The following HCRTR2 variants were observed in gnomAD, a reference collection of about 807,000 sequenced individuals.
HCRTR2 encodes the protein orexin receptor type 2.
HCRTR2 carries 22 observed loss-of-function variants against 49.0 expected under a neutral mutation model. The observed-to-expected ratio is 0.45, with a 90% CI of 0.32 to 0.64. The LOEUF (loss-of-function observed/expected upper bound fraction) is 0.64, where lower values mean the gene tolerates loss of function less well. Among genes scored for constraint, HCRTR2 ranks in the 30% least tolerant of loss-of-function variants. The probability of loss-of-function intolerance (pLI) is 0.04; values close to 1 mark genes in which losing one functional copy is unlikely to be tolerated. For missense variants in HCRTR2, 491 were observed against 559.4 expected (o/e 0.88, Z 1.23); for synonymous variants, 236 against 205.3 (o/e 1.15, Z -1.28).
Position 55,255,138 on chromosome 6 carries a change from C to T in HCRTR2, c.405C>T (p.Thr135=), listed in dbSNP as rs199900684. The T allele has an allele frequency of 2.2e-5, 36 of 1,613,490 alleles. 1 individual carries two copies. The highest frequency in any genetic ancestry group is 2.0e-4 in the South Asian group (18 of 91,054). ...SLCKVIPYLQ[T]VSVSVSVLTL... is the part of the protein sequence containing the mutation. The stretch of plus-strand genomic sequence containing the variant: ...ACTATGATCTTTCTTTTCTCTAGAC[C>T]GTGTCGGTGTCTGTGTCTGTCCTCA... Residue 135 remains threonine (T), a splice_region_variant and synonymous_variant, in exon 3 of 7, where the codon ACC becomes ACT. Transcript: ENST00000370862.
intron 1 of HCRTR2, among the ~76,000 whole-genome samples, chr6:55,162,285 CA>C (rs1376627341): frequency 2.0e-5 from 3 of 152,202 alleles, no homozygotes; most frequent in Non-Finnish European, 2.9e-5. Flanking sequence ...CAAAATTTAA[CA>C]GCCCTTCATG....
intron 1 of HCRTR2, among the ~76,000 whole-genome samples, chr6:55,195,413 G>C (rs1003983567): frequency 2.6e-5 from 4 of 152,128 alleles, no homozygotes; most frequent in African/African-American, 9.7e-5. Context: ...ATCAGATAGA[G>C]AGAAGGTAAC....
intron 1 of HCRTR2, among the ~76,000 whole-genome samples, chr6:55,124,708 G>T (rs1298602314): frequency 1.3e-5 from 2 of 152,010 alleles, no homozygotes; most frequent in Non-Finnish European, 2.9e-5. Flanking sequence ...TTGACAGTGG[G>T]GTGTTAAAGT....
intron 1 of HCRTR2, among the ~76,000 whole-genome samples, chr6:55,184,014 G>A (rs749510204): frequency 5.9e-5 from 9 of 151,850 alleles, no homozygotes; most frequent in East Asian, 1.9e-4. Context: ...TGCAACCTCC[G>A]CCTTCCAGGT....
chr6:55,276,157 T>C (rs1174252222), intron 4 of HCRTR2, among the ~76,000 whole-genome samples: 1 of 152,198 alleles, frequency 6.6e-6, no homozygotes, highest in East Asian at 1.9e-4. Context: ...GTTGAACCAC[T>C]ACTATGTAAA....
At chr6:55,153,673 T>C (rs1764692219) in intron 1 of HCRTR2, among the ~76,000 whole-genome samples, 1 of 151,958 alleles carries the variant, frequency 6.6e-6, no homozygotes, top group Non-Finnish European at 1.5e-5. Flanking sequence ...GTTCTTATGA[T>C]TCAAATTTGC....
At chr6:55,177,370 G>A (rs918288309) in intron 1 of HCRTR2, among the ~76,000 whole-genome samples, 6 of 152,156 alleles carry the variant, frequency 3.9e-5, no homozygotes, top group Non-Finnish European at 4.4e-5. Flanking sequence ...GAGTAGTGTC[G>A]TTACTCACAG....
chr6:55,145,392 TG>T (rs1205362488), intron 1 of HCRTR2, among the ~76,000 whole-genome samples: 1 of 85,972 alleles, frequency 1.2e-5, no homozygotes, highest in Non-Finnish European at 2.7e-5. Context: ...TAACATTCTT[TG>T]TTTTTTTTTT....
At chr6:55,245,529 C>T (rs1766426743) in intron 1 of HCRTR2, among the ~76,000 whole-genome samples, 1 of 135,218 alleles carries the variant, frequency 7.4e-6, no homozygotes. Context: ...TGTGCCTTGG[C>T]TTTTAAAAAA....
chr6:55,262,547 A>C (rs2127322049), intron 3 of HCRTR2, among the ~76,000 whole-genome samples: 1 of 131,168 alleles, frequency 7.6e-6, no homozygotes, highest in African/African-American at 2.9e-5. Flanking sequence ...AATATAATAT[A>C]ACTTATTATA....
At position 55,144,665 on chromosome 6, in the gene HCRTR2, C is replaced by T. The variant is rs183539611; in HGVS notation, c.-377-29546C>T. ...TCGCATGCGCAGTTCACAATAGGTT[C>T]ACGCTCCTGTGATAATCTGCTCCCT... is the stretch of plus-strand genomic sequence containing the variant. On this transcript the variant is annotated intron_variant, in intron 1 of 7. Coordinates refer to the HCRTR2 transcript ENST00000615358. Among the ~76,000 whole-genome samples the T allele has an allele frequency of 4.5e-3, 683 of 152,260 alleles. 2 individuals carry two copies. Among genetic ancestry groups the T allele is most frequent in the African/African-American group, 0.015 (639 of 41,552 alleles).
intron 1 of HCRTR2, among the ~76,000 whole-genome samples, chr6:55,165,131 G>A (rs566011208): frequency 4.6e-5 from 7 of 151,784 alleles, no homozygotes; most frequent in Admixed American, 4.6e-4. Flanking sequence ...GGAGACAAAA[G>A]AAGAAAATTA....
chr6:55,259,316 C>G (rs1766711532), intron 3 of HCRTR2, among the ~76,000 whole-genome samples: 2 of 151,650 alleles, frequency 1.3e-5, no homozygotes, highest in East Asian at 3.9e-4. Context: ...GTGTATAAGT[C>G]TATTAATGGG....
intron 1 of HCRTR2, among the ~76,000 whole-genome samples, chr6:55,132,842 T>C (rs1186798045): frequency 9.2e-5 from 14 of 151,550 alleles, no homozygotes. Flanking sequence ...ATGGGGTTGA[T>C]CTTCATGAAT....
chr6:55,144,079 G>A (rs1326624275), intron 1 of HCRTR2, among the ~76,000 whole-genome samples: 3 of 144,266 alleles, frequency 2.1e-5, no homozygotes, highest in South Asian at 4.3e-4. Context: ...AGTGTGTGAC[G>A]CCATTCTTTC....
chr6:55,108,018 G>GA (rs1218365414), intron 1 of HCRTR2, among the ~76,000 whole-genome samples: 2 of 151,890 alleles, frequency 1.3e-5, no homozygotes, highest in Admixed American at 6.6e-5. Context: ...AATCAGAAAA[G>GA]AAAAAAATTG....
chr6:55,212,477 G>A (rs1362412206), intron 1 of HCRTR2, among the ~76,000 whole-genome samples: 2 of 152,156 alleles, frequency 1.3e-5, no homozygotes, highest in Non-Finnish European at 2.9e-5. Context: ...AGCCAATAAC[G>A]TGAATTCTGT....
chr6:55,134,451 C>A (rs1764406711), intron 1 of HCRTR2, among the ~76,000 whole-genome samples: 1 of 151,342 alleles, frequency 6.6e-6, no homozygotes, highest in African/African-American at 2.4e-5. Context: ...ACATAGGTAC[C>A]ATTTGTGTGT....
intron 1 of HCRTR2, among the ~76,000 whole-genome samples, chr6:55,213,583 G>A (rs1452538418): frequency 1.3e-5 from 2 of 152,152 alleles, no homozygotes; most frequent in Non-Finnish European, 2.9e-5. Context: ...AGCTGCAACA[G>A]AGCCAGCAGA....
Sources: gnomAD v4.1 joint callset for allele counts (sites outside exome capture counted in the v4.1 genomes callset) on GRCh38, gnomAD v4.1.1 for gene constraint, MANE v1.5 for transcripts, NCBI Gene and HGNC (gene_info 2026-07-23, HGNC 2026-07-21) for gene names.